The following BTBD9 variants were observed in gnomAD, a reference collection of about 807,000 sequenced individuals.
The protein encoded by BTBD9 is BTB/POZ domain-containing protein 9.
BTBD9 carries 49 observed loss-of-function variants against 64.3 expected under a neutral mutation model. That is an observed-to-expected ratio of 0.76 (90% confidence interval 0.61 to 0.97). The LOEUF is 0.97. Among genes scored for constraint, BTBD9 ranks in the 50% least tolerant of loss-of-function variants. BTBD9 has a pLI of 0.00. For synonymous variants in BTBD9, 260 were observed against 274.7 expected (o/e 0.95, Z 0.53); for missense variants, 598 against 762.1 (o/e 0.78, Z 2.53).
chr6:38,623,269 T>C (rs1175424499), intron 1 of BTBD9, among the ~76,000 whole-genome samples: 2 of 152,106 alleles, frequency 1.3e-5, no homozygotes, highest in Non-Finnish European at 2.9e-5. Context: ...CCCCAGGAAA[T>C]TAGACTCTAT....
chr6:38,558,654 T>C (rs559744622), intron 6 of BTBD9, among the ~76,000 whole-genome samples: 7 of 152,332 alleles, frequency 4.6e-5, no homozygotes, highest in Admixed American at 3.9e-4. Context: ...GATGATCGTA[T>C]GTTTTAAATT....
At chr6:38,545,424 A>G (rs1030478579) in intron 6 of BTBD9, among the ~76,000 whole-genome samples, 9 of 152,180 alleles carry the variant, frequency 5.9e-5, no homozygotes, top group African/African-American at 2.2e-4. Flanking sequence ...GGGTTTAGAT[A>G]GCGGCGATGG....
chr6:38,594,489 G>A (rs556985395), intron 2 of BTBD9, 162 bp from the exon 3 acceptor site: 2 of 774,878 alleles, frequency 2.6e-6, no homozygotes, highest in South Asian at 2.2e-5. Flanking sequence ...GTTCTTTACA[G>A]GACACAAGAG....
rs866791179 is a variant in BTBD9 at position 38,171,418 on chromosome 6, G to A, written c.*3567C>T. The A allele has an allele frequency of 3.9e-5, 6 of 151,988 alleles. No individual in the cohort carries two copies. Among genetic ancestry groups the A allele is most frequent in the Non-Finnish European group, 8.8e-5 (6 of 68,004 alleles). The allele number at this position is 151,988 out of a possible 1,614,324, so 9.4% of individuals were successfully genotyped here. Reference sequence around the variant, plus strand: ...ACTTTTAATGTATTTGTCAGGAATCGACACTTCATTTAATAGGATTTAAAA... The same window carrying A: ...ACTTTTAATGTATTTGTCAGGAATCAACACTTCATTTAATAGGATTTAAAA... On this transcript the variant is annotated 3_prime_UTR_variant, in exon 11 of 11. Coordinates refer to ENST00000481247, the MANE Select transcript of BTBD9 (RefSeq NM_001099272.2).
chr6:38,447,439 T>C (rs1769325217), intron 6 of BTBD9, among the ~76,000 whole-genome samples: 1 of 152,186 alleles, frequency 6.6e-6, no homozygotes, highest in Non-Finnish European at 1.5e-5. Context: ...TTAGTAATAT[T>C]TGGAAACTGT....
At chr6:38,233,979 C>G (rs911251256) in intron 9 of BTBD9, among the ~76,000 whole-genome samples, 1 of 152,166 alleles carries the variant, frequency 6.6e-6, no homozygotes, top group Non-Finnish European at 1.5e-5. Flanking sequence ...TTAACTGATA[C>G]CACTGTGTCC....
intron 6 of BTBD9, among the ~76,000 whole-genome samples, chr6:38,498,368 T>A (rs1260998884): frequency 6.6e-6 from 1 of 151,542 alleles, no homozygotes; most frequent in Non-Finnish European, 1.5e-5. Flanking sequence ...TACTAAACAG[T>A]TCTACATCAC....
At chr6:38,264,687 T>C (rs1169769189) in intron 8 of BTBD9, among the ~76,000 whole-genome samples, 2 of 152,154 alleles carry the variant, frequency 1.3e-5, no homozygotes, top group African/African-American at 4.8e-5. Flanking sequence ...TTCGATGACG[T>C]GGCTTCACCC....
intron 8 of BTBD9, among the ~76,000 whole-genome samples, chr6:38,266,238 C>A (rs1389038434): frequency 1.3e-5 from 2 of 152,018 alleles, no homozygotes; most frequent in East Asian, 3.8e-4. Context: ...AATTTTGCCC[C>A]AGGCTTATGA....
chr6:38,330,420 T>C (rs1202521539), intron 7 of BTBD9, among the ~76,000 whole-genome samples: 1 of 152,096 alleles, frequency 6.6e-6, no homozygotes, highest in Non-Finnish European at 1.5e-5. Context: ...GGCACAGTAG[T>C]GTGCACCTAT....
chr6:38,175,476 A>G (rs1761193374), intron 10 of BTBD9, among the ~76,000 whole-genome samples: 1 of 152,182 alleles, frequency 6.6e-6, no homozygotes, highest in South Asian at 2.1e-4. Context: ...GTTTTTGCCA[A>G]CCTTTGTCTA....
rs1294567608 is a variant in BTBD9, at chr6:38,597,995, C to A, written c.100G>T (p.Glu34Ter). Reference protein sequence around the residue: ...EHIGALLIGEEYGDVTFVVEK... With the variant: ...EHIGALLIGE ...ACCACGAATGTGACGTCGCCATATTCTTCCCCAATCAACAAGGCACCAATA... is the reference window on the plus strand; with the variant it reads ...ACCACGAATGTGACGTCGCCATATTATTCCCCAATCAACAAGGCACCAATA... Residue 34 changes from glutamate (E) to a stop codon, truncating the protein, a stop_gained, in exon 2 of 11, where the codon GAA becomes TAA. Transcript: ENST00000481247. LOFTEE classifies it high-confidence loss of function. The A allele has an allele frequency of 2.5e-6, 4 of 1,613,902 alleles. No individual in the cohort carries two copies. Among genetic ancestry groups the A allele is most frequent in the Non-Finnish European group, 3.4e-6 (4 of 1,179,896 alleles).
At chr6:38,540,077 A>C (rs1174086424) in intron 6 of BTBD9, among the ~76,000 whole-genome samples, 2 of 152,220 alleles carry the variant, frequency 1.3e-5, no homozygotes, top group Non-Finnish European at 2.9e-5. Context: ...AAGCACTTCT[A>C]TATGTACTCC....
intron 2 of BTBD9, 33 bp from the exon 3 acceptor site, chr6:38,594,360 C>T (rs749913214): frequency 2.6e-6 from 4 of 1,537,604 alleles, no homozygotes; most frequent in South Asian, 2.5e-5. Context: ...ATGAAGAAAC[C>T]CTCAAATAGG....
At chr6:38,591,175 T>G (rs1776775108) in intron 4 of BTBD9, among the ~76,000 whole-genome samples, 1 of 152,224 alleles carries the variant, frequency 6.6e-6, no homozygotes, top group African/African-American at 2.4e-5. Context: ...TTTCCAAGAC[T>G]TCCATAAACT....
chr6:38,479,343 T>C (rs1437677787), intron 6 of BTBD9, among the ~76,000 whole-genome samples: 1 of 151,784 alleles, frequency 6.6e-6, no homozygotes, highest in Non-Finnish European at 1.5e-5. Flanking sequence ...ATCCACACAG[T>C]GTAGATGGGA....
chr6:38,580,137 T>C, intron 5 of BTBD9, 81 bp downstream of exon 5: 1 of 1,313,548 alleles, frequency 7.6e-7, no homozygotes, highest in Non-Finnish European at 1.1e-6. Context: ...AACCATCATA[T>C]CTGTAAAACA....
intron 8 of BTBD9, among the ~76,000 whole-genome samples, chr6:38,260,580 T>C (rs1294760297): frequency 1.3e-5 from 2 of 152,222 alleles, no homozygotes; most frequent in African/African-American, 2.4e-5. Flanking sequence ...TATGTTCTAG[T>C]AGATATTCTT....
intron 6 of BTBD9, among the ~76,000 whole-genome samples, chr6:38,528,489 C>G (rs1773618498): frequency 6.6e-6 from 1 of 152,176 alleles, no homozygotes; most frequent in African/African-American, 2.4e-5. Context: ...CAATCCCAAG[C>G]AGCACAGCTC....
Sources: gnomAD v4.1 joint callset for allele counts (sites outside exome capture counted in the v4.1 genomes callset) on GRCh38, gnomAD v4.1.1 for gene constraint, MANE v1.5 for transcripts, NCBI Gene and HGNC (gene_info 2026-07-23, HGNC 2026-07-21) for gene names.